The following SLC44A5 variants were observed in gnomAD, a reference collection of about 807,000 sequenced individuals.
SLC44A5 encodes the protein choline transporter-like protein 5.
SLC44A5 carries 57 observed loss-of-function variants against 101.8 expected under a neutral mutation model. The observed-to-expected ratio is 0.56, with a 90% confidence interval of 0.45 to 0.70. The LOEUF is 0.70. SLC44A5 is among the 30% of genes least tolerant of loss of function. SLC44A5 has a pLI of 0.00. For missense variants in SLC44A5, 737 were observed against 853.1 expected (o/e 0.86, Z 1.70); for synonymous variants, 281 against 290.9 (o/e 0.97, Z 0.35).
At chr1:75,429,196 T>A (rs1038557681) in intron 2 of SLC44A5, among the ~76,000 whole-genome samples, 1 of 152,160 alleles carries the variant, frequency 6.6e-6, no homozygotes, top group East Asian at 1.9e-4. Flanking sequence ...ACCTGGAATG[T>A]TTTTGTGTTA....
intron 2 of SLC44A5, among the ~76,000 whole-genome samples, chr1:75,531,191 A>AT (rs1670701678): frequency 6.6e-6 from 1 of 152,188 alleles, no homozygotes; most frequent in East Asian, 1.9e-4. Flanking sequence ...ATATTAAAAG[A>AT]TTTTTTAAAG....
intron 5 of SLC44A5, among the ~76,000 whole-genome samples, chr1:75,289,636 C>T (rs1653368956): frequency 6.6e-6 from 1 of 152,106 alleles, no homozygotes; most frequent in Non-Finnish European, 1.5e-5. Context: ...GAAACACATA[C>T]ATGAAAAAGT....
At chr1:75,673,868 C>T in the SLC44A5 span, among the ~76,000 whole-genome samples, 1 of 152,146 alleles carries the variant, frequency 6.6e-6, no homozygotes, top group Admixed American at 6.5e-5. Context: ...CTTGGGGTCT[C>T]ATAATGCAGA....
intron 4 of SLC44A5, among the ~76,000 whole-genome samples, chr1:75,327,049 A>G (rs1656655717): frequency 6.6e-6 from 1 of 151,098 alleles, no homozygotes; most frequent in African/African-American, 2.4e-5. Flanking sequence ...AGTTAATGAT[A>G]TTTTCCTTCA....
chr1:75,492,820 G>A (rs1668492660), intron 2 of SLC44A5, among the ~76,000 whole-genome samples: 1 of 152,098 alleles, frequency 6.6e-6, no homozygotes, highest in African/African-American at 2.4e-5. Context: ...CTACCCCTTG[G>A]CCTGACCACA....
chr1:75,229,480 A>T (rs1480137684), intron 12 of SLC44A5, among the ~76,000 whole-genome samples: 1 of 152,124 alleles, frequency 6.6e-6, no homozygotes, highest in Non-Finnish European at 1.5e-5. Flanking sequence ...CTCTTATGTT[A>T]TAAGGCCTTT....
chr1:75,375,004 A>G (rs1005019910), intron 3 of SLC44A5, among the ~76,000 whole-genome samples: 2 of 152,226 alleles, frequency 1.3e-5, no homozygotes, highest in Admixed American at 6.5e-5. Context: ...AATGGATCCT[A>G]ACCAGATTGA....
At chr1:75,571,961 AAGTGCTAGAAGAC>A (rs1480830763) in intron 1 of SLC44A5, among the ~76,000 whole-genome samples, 1 of 152,248 alleles carries the variant, frequency 6.6e-6, no homozygotes, top group East Asian at 1.9e-4. Context: ...CAGCAAAACT[AAGTGCTAGAAGAC>A]AGTGAATTTA....
chr1:75,293,346 C>G (rs1218407782), intron 5 of SLC44A5, among the ~76,000 whole-genome samples: 3 of 152,144 alleles, frequency 2.0e-5, no homozygotes, highest in Non-Finnish European at 2.9e-5. Flanking sequence ...AGCCCTCTGT[C>G]AAGGAGAAAA....
At chr1:75,393,934 A>G (rs979746189) in intron 3 of SLC44A5, among the ~76,000 whole-genome samples, 3 of 152,182 alleles carry the variant, frequency 2.0e-5, no homozygotes, top group African/African-American at 7.2e-5. Flanking sequence ...TTGGTGGGGT[A>G]TAAAGTCAAA....
At chr1:75,274,353 T>C (rs1651744619) in intron 6 of SLC44A5, among the ~76,000 whole-genome samples, 1 of 152,232 alleles carries the variant, frequency 6.6e-6, no homozygotes, top group East Asian at 1.9e-4. Context: ...GTGGTTTATT[T>C]TCTTAGATTA....
At chr1:75,688,037 T>C in the SLC44A5 span, among the ~76,000 whole-genome samples, 3 of 152,198 alleles carry the variant, frequency 2.0e-5, no homozygotes, top group Non-Finnish European at 4.4e-5. Flanking sequence ...CCCTCAGTCA[T>C]AGTGCCTCTG....
At chr1:75,603,227 T>C (rs921976986) in intron 1 of SLC44A5, among the ~76,000 whole-genome samples, 13 of 152,144 alleles carry the variant, frequency 8.5e-5, no homozygotes, top group Admixed American at 2.6e-4. Context: ...AGCGAGAACA[T>C]GTGGTATCTG....
the SLC44A5 span, among the ~76,000 whole-genome samples, chr1:75,703,841 G>A: frequency 6.6e-6 from 1 of 151,734 alleles, no homozygotes; most frequent in African/African-American, 2.4e-5. Context: ...CTATAGTGTA[G>A]TATTGTCTTT....
At chr1:75,225,132 C>T (rs370682951) in intron 13 of SLC44A5, among the ~76,000 whole-genome samples, 4 of 152,232 alleles carry the variant, frequency 2.6e-5, no homozygotes, top group Admixed American at 6.5e-5. Context: ...ACTCTCCACA[C>T]GGGTACCATT....
the SLC44A5 span, among the ~76,000 whole-genome samples, chr1:75,622,059 G>A: frequency 6.6e-6 from 1 of 151,994 alleles, no homozygotes; most frequent in Non-Finnish European, 1.5e-5. Context: ...AAGGTCTTAG[G>A]GTGAGACCCT....
chr1:75,565,391 C>T (rs911864209), intron 1 of SLC44A5, among the ~76,000 whole-genome samples: 1 of 152,130 alleles, frequency 6.6e-6, no homozygotes, highest in African/African-American at 2.4e-5. Context: ...ATTCAGCTAG[C>T]CTCACAAAAC....
chr1:75,299,189 T>C (rs1371536934), intron 5 of SLC44A5, among the ~76,000 whole-genome samples: 2 of 152,226 alleles, frequency 1.3e-5, no homozygotes, highest in Non-Finnish European at 2.9e-5. Context: ...TACAACTTCA[T>C]TAATGTTTAG....
chr1:75,365,635 C>A (rs796240902), intron 3 of SLC44A5, among the ~76,000 whole-genome samples: 1 of 152,116 alleles, frequency 6.6e-6, no homozygotes, highest in African/African-American at 2.4e-5. Context: ...ATGGAATCAA[C>A]CTAAATGCCC....
Sources: allele counts gnomAD v4.1 joint callset (sites outside exome capture counted in the v4.1 genomes callset), GRCh38; gene constraint gnomAD v4.1.1; transcripts MANE v1.5; gene names NCBI Gene and HGNC (gene_info 2026-07-23, HGNC 2026-07-21).